CAPN13: variants seen among roughly 807,000 people sequenced by gnomAD.
The protein encoded by CAPN13 is calpain 13, also known as calpain-13.
A neutral mutation model predicts 98.4 loss-of-function variants in CAPN13; 90 were observed. That is an observed-to-expected ratio of 0.92 (90% CI 0.77 to 1.09). The LOEUF (loss-of-function observed/expected upper bound fraction) is 1.09, where lower values mean the gene tolerates loss of function less well. Ranked by LOEUF, CAPN13 falls within the 50% of genes least tolerant of loss-of-function variation. CAPN13 has a pLI of 0.00. For missense variants in CAPN13, 887 were observed against 841.3 expected, an observed-to-expected ratio of 1.05 and a Z score of -0.67; for synonymous variants, 330 against 305.5, an observed-to-expected ratio of 1.08 and a Z score of -0.84.
At chr2:30,789,227 C>T (rs767440421) in intron 1 of CAPN13, among the ~76,000 whole-genome samples, 3 of 152,128 alleles carry the variant, frequency 2.0e-5, no homozygotes, top group African/African-American at 4.8e-5. Context: ...AGACAAAAGG[C>T]GATGGCACTC....
At position 30,746,396 on chromosome 2, in the gene CAPN13, C is replaced by T. The variant is rs1572806834; in HGVS notation, c.1237-662G>A. ...TTTAACAGACACATAAAGCTGTAAG[C>T]AGACATGACTGTTCTAAATTTATTA... On this transcript the variant is annotated intron_variant, in intron 11 of 22. Coordinates refer to ENST00000295055, the MANE Select transcript of CAPN13 (RefSeq NM_144575.3). The T allele has an allele frequency of 1.9e-5, 3 of 153,846 alleles. No homozygotes were observed. The Admixed American group carries it at 2.0e-4, about 10-fold the overall frequency. 9.5% of individuals were successfully genotyped at this position (153,846 alleles called of 1,614,324 possible).
At chr2:30,767,780 C>T (rs971002020) in intron 5 of CAPN13, among the ~76,000 whole-genome samples, 1 of 152,228 alleles carries the variant, frequency 6.6e-6, no homozygotes, top group African/African-American at 2.4e-5. Flanking sequence ...AGGCACCTCA[C>T]TGTTTGGACT....
intron 11 of CAPN13, among the ~76,000 whole-genome samples, chr2:30,747,953 A>G (rs1671995724): frequency 6.6e-6 from 1 of 152,236 alleles, no homozygotes; most frequent in African/African-American, 2.4e-5. Context: ...GAAAAGTAGG[A>G]AAGTGGGCTT....
At position 30,754,330 on chromosome 2, in the gene CAPN13, T is replaced by G. The variant is rs1672328463; in HGVS notation, c.901A>C (p.Lys301Gln). The change falls in exon 9 of 23, where the codon AAA becomes CAA. Residue 301 changes from lysine (K) to glutamine (Q), a missense_variant. Physicochemically the swap from Lys to Gln is moderately conservative, Grantham distance 53. Coordinates refer to ENST00000295055, the MANE Select transcript of CAPN13 (RefSeq NM_144575.3). ...TCCCGTTTCTTATGTAGCTGGCTTTTCCGCGGATCACAGGTTTCCTCCCAC... is the reference window on the plus strand; with the variant it reads ...TCCCGTTTCTTATGTAGCTGGCTTTGCCGCGGATCACAGGTTTCCTCCCAC... ...QEWEETCDPRKSQLHKKREDG... is the reference protein window; with the variant it reads ...QEWEETCDPRQSQLHKKREDG... 5.6e-6 allele frequency: 9 copies of G among 1,606,598 alleles called. No individual in the cohort carries two copies. The highest frequency in any genetic ancestry group is 7.6e-6 in the Non-Finnish European group (9 of 1,176,900).
At chr2:30,779,497 T>G (rs1445007277) in intron 2 of CAPN13, among the ~76,000 whole-genome samples, 1 of 152,222 alleles carries the variant, frequency 6.6e-6, no homozygotes, top group Non-Finnish European at 1.5e-5. Flanking sequence ...CTTGTAAAGC[T>G]GGACCAGTCC....
rs747961078 is a variant in CAPN13, at chr2:30,743,466, C to T, written c.1362G>A (p.Gly454=). ...GTGTCTGTGCAACCACAACATAGTT[C>T]CCAGGGCTCAGATGGTAAGTCATGG... ...NFTMTYHLSP[G]NYVVVAQTRR... The change falls in exon 13 of 23, where the codon GGG becomes GGA. Residue 454 remains glycine (G), a synonymous_variant. Coordinates refer to ENST00000295055, the MANE Select transcript of CAPN13 (RefSeq NM_144575.3). The T allele has an allele frequency of 6.2e-7, 1 of 1,613,818 alleles. No individual in the cohort carries two copies. The highest frequency in any genetic ancestry group is 1.3e-5 in the African/African-American group (1 of 74,900).
At position 30,746,617 on chromosome 2, in the gene CAPN13, G is replaced by T. The variant is rs1215168466; in HGVS notation, c.1237-883C>A. 7.5e-5 allele frequency: 15 copies of T among 199,078 alleles called. 1 individual carries two copies. The highest frequency in any genetic ancestry group is 1.4e-4 in the Non-Finnish European group (13 of 94,854). 12.3% of individuals were successfully genotyped at this position (199,078 alleles called of 1,614,324 possible). A position where few individuals can be genotyped will look rare whatever the true frequency, so the allele number is the denominator to read the frequency against. ...TGCTTGTGGATAGATTTGGTGATCT[G>T]CTGGGTGTCAAGATTTCCTCTGATA... On this transcript the variant is annotated intron_variant, in intron 11 of 22. Coordinates refer to ENST00000295055, the MANE Select transcript of CAPN13 (RefSeq NM_144575.3).
chr2:30,768,857 T>G (rs1673241044), intron 5 of CAPN13, among the ~76,000 whole-genome samples: 1 of 152,134 alleles, frequency 6.6e-6, no homozygotes, highest in Non-Finnish European at 1.5e-5. Context: ...GATTGCTCAG[T>G]GCCTCTTACC....
intron 1 of CAPN13, among the ~76,000 whole-genome samples, chr2:30,796,963 G>A (rs1674916650): frequency 1.3e-5 from 2 of 152,188 alleles, no homozygotes; most frequent in Admixed American, 1.3e-4. Flanking sequence ...TGGCAGGGAG[G>A]CAAGCCCTTT....
intron 1 of CAPN13, among the ~76,000 whole-genome samples, chr2:30,799,830 T>C (rs569179811): frequency 1.1e-3 from 163 of 152,164 alleles, no homozygotes; most frequent in Non-Finnish European, 1.8e-3. Context: ...TCCCAGCACT[T>C]TGGGAGGCCA....
chr2:30,790,948 T>C (rs1289125449), intron 1 of CAPN13, among the ~76,000 whole-genome samples: 1 of 152,212 alleles, frequency 6.6e-6, no homozygotes. Context: ...TCCTCACTTT[T>C]ATGATCTCTT....
intron 22 of CAPN13, among the ~76,000 whole-genome samples, chr2:30,727,543 A>C (rs527654199): frequency 6.6e-6 from 1 of 152,208 alleles, no homozygotes; most frequent in African/African-American, 2.4e-5. Context: ...AAAATAACCC[A>C]CAAGCACTGA....
chr2:30,774,949 G>A (rs1673607251), intron 4 of CAPN13, among the ~76,000 whole-genome samples: 1 of 152,174 alleles, frequency 6.6e-6, no homozygotes, highest in Admixed American at 6.5e-5. Flanking sequence ...GCACATTACT[G>A]AAGTCAAGAG....
chr2:30,779,586 C>T (rs569086774), intron 2 of CAPN13, among the ~76,000 whole-genome samples: 52 of 152,194 alleles, frequency 3.4e-4, no homozygotes, highest in Admixed American at 1.7e-3. Flanking sequence ...ATATTGATCC[C>T]CCTCTTTTGA....
chr2:30,750,033 C>T (rs552200545), intron 11 of CAPN13, among the ~76,000 whole-genome samples: 2 of 152,178 alleles, frequency 1.3e-5, no homozygotes, highest in Admixed American at 6.5e-5. Flanking sequence ...GCACTGTTCA[C>T]AATAGCAAAG....
intron 1 of CAPN13, among the ~76,000 whole-genome samples, chr2:30,803,063 C>G (rs1473991225): frequency 6.6e-6 from 1 of 152,186 alleles, no homozygotes; most frequent in Non-Finnish European, 1.5e-5. Flanking sequence ...CCCCCAGGGC[C>G]ATGCCATCCG....
chr2:30,791,665 A>G (rs527762067), intron 1 of CAPN13, among the ~76,000 whole-genome samples: 14 of 152,376 alleles, frequency 9.2e-5, no homozygotes, highest in African/African-American at 2.6e-4. Flanking sequence ...GAAAAGATGC[A>G]TAAGAGTTAA....
chr2:30,781,832 A>G (rs1558335361), intron 2 of CAPN13, among the ~76,000 whole-genome samples: 1 of 152,188 alleles, frequency 6.6e-6, no homozygotes, highest in Non-Finnish European at 1.5e-5. Flanking sequence ...ATATACATCA[A>G]TATGTTAATG....
chr2:30,749,402 G>C (rs1315809281), intron 11 of CAPN13, among the ~76,000 whole-genome samples: 1 of 152,192 alleles, frequency 6.6e-6, no homozygotes, highest in East Asian at 1.9e-4. Context: ...CTCACTGTGA[G>C]GCCCTCTTAT....
Sources: allele counts gnomAD v4.1 joint callset (sites outside exome capture counted in the v4.1 genomes callset), GRCh38; gene constraint gnomAD v4.1.1; transcripts MANE v1.5; gene names NCBI Gene and HGNC (gene_info 2026-07-23, HGNC 2026-07-21).